Variants in NLRP11 observed in about 807,000 individuals in gnomAD.
The protein encoded by NLRP11 is NLR family pyrin domain containing 11.
A neutral mutation model predicts 79.3 loss-of-function variants in NLRP11; 53 were observed. That is an observed-to-expected ratio of 0.67 (90% confidence interval 0.54 to 0.84). NLRP11 has a LOEUF of 0.84. NLRP11 is among the 40% of genes least tolerant of loss of function. The pLI is 0.00. For synonymous variants in NLRP11, 518 were observed against 462.6 expected, an observed-to-expected ratio of 1.12 and a Z score of -1.54; for missense variants, 1,264 against 1,255.0, an observed-to-expected ratio of 1.01 and a Z score of -0.11.
At chr19:55,823,182 A>G (rs995645079) in intron 1 of NLRP11, among the ~76,000 whole-genome samples, 28 of 145,572 alleles carry the variant, frequency 1.9e-4, no homozygotes, top group Non-Finnish European at 3.4e-4. Flanking sequence ...GGGTATTCCA[A>G]CAGACCTGCA....
At chr19:55,817,505 C>T (rs753944819) in intron 2 of NLRP11, among the ~76,000 whole-genome samples, 3 of 151,778 alleles carry the variant, frequency 2.0e-5, no homozygotes, top group Non-Finnish European at 2.9e-5. Flanking sequence ...TAAAGAGAAG[C>T]GAAATAATAG....
chr19:55,811,863 G>C (rs1357349253), intron 2 of NLRP11, among the ~76,000 whole-genome samples: 1 of 151,676 alleles, frequency 6.6e-6, no homozygotes, highest in Non-Finnish European at 1.5e-5. Flanking sequence ...TATATACTTT[G>C]GATATTAGTT....
chr19:55,801,179 C>CAAAAAAAAAAAA (rs149428235), intron 5 of NLRP11: 1 of 144,164 alleles, frequency 6.9e-6, no homozygotes. Flanking sequence ...AACTCCATCT[C>CAAAAAAAAAAAA]AAAAAAAAAA....
rs1049803076 is a variant in NLRP11, at chr19:55,789,041, G to C, written c.2685-64C>G. 4 of 1,555,564 alleles carry C rather than the reference G, an allele frequency of 2.6e-6. No homozygotes were observed. In the African/African-American group the frequency reaches 4.1e-5, roughly 16 times the overall value. On this transcript the variant is annotated intron_variant, in intron 8 of 9. Transcript: ENST00000589093. Reference sequence around the variant, plus strand: ...TTGAGGAAAAATGGCAGATGAGATGGGTGAGAACTGGACATCTACTAGATC... The same window carrying C: ...TTGAGGAAAAATGGCAGATGAGATGCGTGAGAACTGGACATCTACTAGATC...
intron 4 of NLRP11, among the ~76,000 whole-genome samples, chr19:55,807,358 G>T (rs781393612): frequency 6.6e-6 from 1 of 152,024 alleles, no homozygotes; most frequent in Non-Finnish European, 1.5e-5. Context: ...TGATTCTAAC[G>T]CATTCTGTAG....
At chr19:55,830,320 C>T (rs985121952) in intron 1 of NLRP11, among the ~76,000 whole-genome samples, 9 of 152,046 alleles carry the variant, frequency 5.9e-5, no homozygotes, top group East Asian at 1.9e-4. Flanking sequence ...GAGAGACTTC[C>T]GAGTTCAGGA....
At chr19:55,829,321 A>C (rs1216730205) in intron 1 of NLRP11, among the ~76,000 whole-genome samples, 1 of 152,128 alleles carries the variant, frequency 6.6e-6, no homozygotes, top group Non-Finnish European at 1.5e-5. Flanking sequence ...TGACAAGGAC[A>C]TGATTAGATA....
At chr19:55,813,717 G>T (rs1980823520) in intron 2 of NLRP11, among the ~76,000 whole-genome samples, 2 of 152,164 alleles carry the variant, frequency 1.3e-5, no homozygotes, top group Admixed American at 1.3e-4. Context: ...AAGCAGGAAG[G>T]ATTTCTATTT....
At chr19:55,801,707 T>C in exon 5 of NLRP11, 2 of 1,614,128 alleles carry the variant, frequency 1.2e-6, no homozygotes, top group Non-Finnish European at 1.7e-6. Context: ...GAGTAAGTCT[T>C]CAAAACCAGA....
intron 1 of NLRP11, among the ~76,000 whole-genome samples, chr19:55,828,809 G>A (rs1177645008): frequency 6.6e-6 from 1 of 152,114 alleles, no homozygotes. Context: ...ATAGAATAAG[G>A]AATGTTCCAT....
chr19:55,811,555 A>T (rs1463306623), intron 2 of NLRP11, among the ~76,000 whole-genome samples: 1 of 152,114 alleles, frequency 6.6e-6, no homozygotes, highest in Non-Finnish European at 1.5e-5. Context: ...AGCCTGATGG[A>T]TCAACGGGCC....
At chr19:55,800,709 T>A (rs898381637) in intron 5 of NLRP11, among the ~76,000 whole-genome samples, 14 of 152,230 alleles carry the variant, frequency 9.2e-5, no homozygotes, top group African/African-American at 3.1e-4. Context: ...GTAAATTTTA[T>A]GAAATCAATA....
intron 7 of NLRP11, among the ~76,000 whole-genome samples, chr19:55,791,781 T>C (rs1248554848): frequency 6.6e-6 from 1 of 152,200 alleles, no homozygotes; most frequent in Non-Finnish European, 1.5e-5. Context: ...GCTTGTTACA[T>C]ATTTTTTCCT....
exon 4 of NLRP11, chr19:55,808,003 C>G: frequency 6.2e-7 from 1 of 1,600,206 alleles, no homozygotes. Flanking sequence ...GTAGACAAGG[C>G]TCTTCATTTG....
Position 55,810,356 on chromosome 19 carries a change from G to A in NLRP11, c.272-18C>T, listed in dbSNP as rs768663394. ...CTGATTGCCTAATCCAGCGAGTACA[G>A]GGCAGAAAATACAGAACAAAGATGA... is the stretch of plus-strand genomic sequence containing the variant. On this transcript the variant is annotated intron_variant, in intron 2 of 9. Transcript: ENST00000589093. 10 of 1,578,188 alleles carry A rather than the reference G, an allele frequency of 6.3e-6. No homozygotes were observed. In the East Asian group the frequency reaches 1.3e-4, roughly 21 times the overall value.
At chr19:55,805,616 C>T (rs939069678) in intron 4 of NLRP11, among the ~76,000 whole-genome samples, 6 of 152,026 alleles carry the variant, frequency 3.9e-5, no homozygotes, top group African/African-American at 1.2e-4. Flanking sequence ...CTCAGCTCAC[C>T]GTGGCCTGCG....
In NLRP11 at chr19:55,809,624, T is replaced by C. The variant is rs1373366132; in HGVS notation, c.986A>G (p.Asp329Gly). The stretch of plus-strand genomic sequence containing the variant: ...TCGGCACAGACCCACGAGTATTTCA[T>C]CCTCATGTACAAGCTGGAGGGCTGC... Residue 329 changes from aspartate (D) to glycine (G), a missense_variant, in exon 3 of 10, where the codon GAT becomes GGT. Physicochemically the swap from Asp to Gly is moderately conservative, Grantham distance 94. Transcript: ENST00000589093. This position sits in a 1 kb window ranked among gnomAD's most constrained non-coding sequence, Gnocchi z 4.5. 3.1e-6 allele frequency: 5 copies of C among 1,614,214 alleles called. No homozygotes were observed. Among genetic ancestry groups the C allele is most frequent in the Non-Finnish European group, 4.2e-6 (5 of 1,180,040 alleles).
rs747330989 is a variant in NLRP11, at chr19:55,810,054, G to A, written c.556C>T (p.Leu186Phe). 22 of 1,614,044 alleles carry A rather than the reference G, an allele frequency of 1.4e-5. 1 individual carries two copies. In the South Asian group the frequency reaches 2.3e-4, roughly 17 times the overall value. ...ATCTGGTTTATTTCGTGAGCAGTGA[G>A]GTGAACGACGTACGAGATCATGTTC... The change falls in exon 3 of 10, where the codon CTC becomes TTC. Residue 186 changes from leucine to phenylalanine, a missense_variant. By Grantham distance (22) the Leu-to-Phe change is conservative (BLOSUM62 0). Coordinates refer to ENST00000589093, the Ensembl canonical transcript of NLRP11.
chr19:55,815,241 G>T (rs78011421), intron 2 of NLRP11, among the ~76,000 whole-genome samples: 7,815 of 152,182 alleles, frequency 0.051, 248 homozygotes, highest in Middle Eastern at 0.071. Flanking sequence ...CAGGAATTTA[G>T]CAAGAGGCTG....
Sources: allele counts gnomAD v4.1 joint callset (sites outside exome capture counted in the v4.1 genomes callset), GRCh38; gene constraint gnomAD v4.1.1; non-coding constraint Gnocchi (gnomAD v3.1); transcripts MANE v1.5; gene names NCBI Gene and HGNC (gene_info 2026-07-23, HGNC 2026-07-21).